The following MTUS2 variants were observed in gnomAD, a reference collection of about 807,000 sequenced individuals.
MTUS2 encodes the protein microtubule associated scaffold protein 2.
Under a neutral mutation model 114.1 loss-of-function variants are expected in MTUS2, and 40 were observed. The observed-to-expected ratio is 0.35, with a 90% confidence interval of 0.27 to 0.46. The LOEUF is 0.46. Ranked by LOEUF, MTUS2 falls within the 20% of genes least tolerant of loss-of-function variation. The pLI, the probability that MTUS2 is intolerant of heterozygous loss-of-function variation, is 1.00. For missense variants in MTUS2, 1,679 were observed against 1,705.4 expected, an observed-to-expected ratio of 0.98 and a Z score of 0.27; for synonymous variants, 688 against 672.0, an observed-to-expected ratio of 1.02 and a Z score of -0.37.
At chr13:29,464,469 G>GTCTGCCC (rs1879747242) in intron 9 of MTUS2, among the ~76,000 whole-genome samples, 2 of 152,226 alleles carry the variant, frequency 1.3e-5, no homozygotes, top group African/African-American at 4.8e-5. Flanking sequence ...ATAGGGCACT[G>GTCTGCCC]TCTGCCCTCT....
Position 29,505,578 on chromosome 13 carries a change from C to A in MTUS2, c.*2372C>A, listed in dbSNP as rs76406859. 9.5e-3 allele frequency: 2,197 copies of A among 232,096 alleles called. 54 individuals carry two copies. The highest frequency in any genetic ancestry group is 0.045 in the African/African-American group (2,031 of 45,344). The allele number at this position is 232,096 out of a possible 1,614,324, so 14.4% of individuals were successfully genotyped here. On this transcript the variant is annotated 3_prime_UTR_variant, in exon 16 of 16. Transcript: ENST00000612955. ...TGCCTCCTTCTCAATTCTTCCACCC[C>A]CCCACACCATCAGAATTCGGATTTC...
At chr13:29,342,408 T>C (rs1425794159) in intron 7 of MTUS2, among the ~76,000 whole-genome samples, 1 of 152,002 alleles carries the variant, frequency 6.6e-6, no homozygotes, top group African/African-American at 2.4e-5. Context: ...TTTTTTTGTT[T>C]GTTTTGCAGC....
At chr13:29,498,110 C>G (rs946007426) in intron 13 of MTUS2, among the ~76,000 whole-genome samples, 15 of 152,218 alleles carry the variant, frequency 9.9e-5, no homozygotes, top group Non-Finnish European at 1.5e-5. Flanking sequence ...TTTACTCTTT[C>G]TACCCCATGA....
At chr13:28,845,237 A>G (rs1185201952) in intron 2 of MTUS2, among the ~76,000 whole-genome samples, 7 of 152,194 alleles carry the variant, frequency 4.6e-5, no homozygotes, top group African/African-American at 1.2e-4. Flanking sequence ...GGCGTGAGCC[A>G]CCGCTCCTGG....
intron 2 of MTUS2, among the ~76,000 whole-genome samples, chr13:29,005,266 C>T (rs1885555568): frequency 2.6e-5 from 4 of 152,176 alleles, no homozygotes; most frequent in African/African-American, 9.7e-5. Flanking sequence ...ACACAGGTTT[C>T]TGTGGGCCAG....
chr13:29,452,379 T>C (rs552696461), intron 9 of MTUS2, among the ~76,000 whole-genome samples: 3 of 152,292 alleles, frequency 2.0e-5, no homozygotes, highest in African/African-American at 2.4e-5. Flanking sequence ...TACTCTTTTA[T>C]GAATAAAGAT....
chr13:28,977,809 G>A (rs928928471), intron 2 of MTUS2, among the ~76,000 whole-genome samples: 1 of 152,128 alleles, frequency 6.6e-6, no homozygotes, highest in African/African-American at 2.4e-5. Flanking sequence ...ATTTTTAATA[G>A]GAAATTCAAG....
chr13:28,869,713 C>T lies in MTUS2; in HGVS notation c.-243+29863C>T, dbSNP rs143152218. Among the ~76,000 whole-genome samples, 1,101 of 152,206 alleles carry T rather than the reference C, an allele frequency of 7.2e-3. 14 individuals are homozygous for T. The highest frequency in any genetic ancestry group is 0.035 in the East Asian group (179 of 5,162). ...TTGAACCTGGAAGGTGGAGGTTGCA[C>T]TGAGCTGAGATCACGCCGTTGCACA... On this transcript the variant is annotated intron_variant, in intron 2 of 15. Transcript: ENST00000612955.
intron 6 of MTUS2, among the ~76,000 whole-genome samples, chr13:29,322,807 C>A (rs976860791): frequency 4.6e-5 from 7 of 152,230 alleles, no homozygotes; most frequent in African/African-American, 1.7e-4. Flanking sequence ...TGGGGACCAA[C>A]AAGGCTGGCA....
chr13:29,154,376 A>G (rs1892776611), intron 5 of MTUS2, among the ~76,000 whole-genome samples: 1 of 152,200 alleles, frequency 6.6e-6, no homozygotes, highest in Non-Finnish European at 1.5e-5. Flanking sequence ...TTCCTGTATT[A>G]TTGCAGAAGT....
At chr13:29,452,143 T>TTGATATTACTATG (rs1878730081) in intron 9 of MTUS2, among the ~76,000 whole-genome samples, 1 of 152,200 alleles carries the variant, frequency 6.6e-6, no homozygotes, top group South Asian at 2.1e-4. Flanking sequence ...CATAGTAATA[T>TTGATATTACTATG]CAATACTGCA....
At chr13:28,960,980 GA>G (rs1883300392) in intron 2 of MTUS2, among the ~76,000 whole-genome samples, 1 of 152,042 alleles carries the variant, frequency 6.6e-6, no homozygotes, top group Non-Finnish European at 1.5e-5. Flanking sequence ...TTGTAGAACT[GA>G]AAAATATAAT....
intron 5 of MTUS2, among the ~76,000 whole-genome samples, chr13:29,202,612 T>G (rs1273682204): frequency 6.6e-6 from 1 of 152,190 alleles, no homozygotes; most frequent in East Asian, 1.9e-4. Context: ...TTTTCAGCCT[T>G]TTTGCGCTGG....
At chr13:28,987,001 C>T (rs1031250506) in intron 2 of MTUS2, among the ~76,000 whole-genome samples, 1 of 152,184 alleles carries the variant, frequency 6.6e-6, no homozygotes, top group Non-Finnish European at 1.5e-5. Flanking sequence ...TTGTTATATA[C>T]TCCCATGGTG....
chr13:29,268,041 A>G (rs1316433397), intron 5 of MTUS2, among the ~76,000 whole-genome samples: 1 of 152,180 alleles, frequency 6.6e-6, no homozygotes, highest in Non-Finnish European at 1.5e-5. Context: ...GTACATGTGC[A>G]GAACGTGCAG....
intron 4 of MTUS2, among the ~76,000 whole-genome samples, chr13:29,068,885 C>T (rs993499490): frequency 2.6e-5 from 4 of 152,094 alleles, no homozygotes; most frequent in Non-Finnish European, 2.9e-5. Context: ...AAGATGGTGC[C>T]ATTGTAGGGT....
Position 29,254,481 on chromosome 13 carries a change from G to A in MTUS2, c.2645-27223G>A, listed in dbSNP as rs147840516. ...CCTTGGTACAGTACAGCAACAAGTC[G>A]TACCAACACTGAGGTTTCTGACTTG... On this transcript the variant is annotated intron_variant, in intron 5 of 15. Coordinates refer to ENST00000612955, the MANE Select transcript of MTUS2 (RefSeq NM_001033602.4). Among the ~76,000 whole-genome samples the A allele has an allele frequency of 4.4e-3, 675 of 152,340 alleles. 3 individuals are homozygous for A. Among genetic ancestry groups the A allele is most frequent in the Non-Finnish European group, 6.9e-3 (468 of 68,032 alleles).
chr13:29,015,290 T>C (rs1886019179), intron 2 of MTUS2, among the ~76,000 whole-genome samples: 1 of 152,190 alleles, frequency 6.6e-6, no homozygotes, highest in African/African-American at 2.4e-5. Flanking sequence ...AGTGTTCCAA[T>C]TTGAATGATG....
chr13:29,234,859 CT>C (rs960504848), intron 5 of MTUS2, among the ~76,000 whole-genome samples: 27 of 151,262 alleles, frequency 1.8e-4, no homozygotes, highest in Admixed American at 2.6e-4. Flanking sequence ...GGAGTTACCA[CT>C]TTTTTTTTAT....
Sources: gnomAD v4.1 joint callset for allele counts (sites outside exome capture counted in the v4.1 genomes callset) on GRCh38, gnomAD v4.1.1 for gene constraint, MANE v1.5 for transcripts, NCBI Gene and HGNC (gene_info 2026-07-23, HGNC 2026-07-21) for gene names.